The following GALNT18 variants were observed in gnomAD, a reference collection of about 807,000 sequenced individuals.
The protein encoded by GALNT18 is polypeptide N-acetylgalactosaminyltransferase 18.
GALNT18 carries 44 observed loss-of-function variants against 69.5 expected under a neutral mutation model. The ratio of observed to expected loss-of-function variants is 0.63; its 90% confidence interval spans 0.50 to 0.81. The LOEUF (loss-of-function observed/expected upper bound fraction) is 0.81. Ranked by LOEUF, GALNT18 falls within the 40% of genes least tolerant of loss-of-function variation. The pLI, the probability that GALNT18 is intolerant of heterozygous loss-of-function variation, is 0.00. For missense variants in GALNT18, 715 were observed against 810.0 expected, an observed-to-expected ratio of 0.88 and a Z score of 1.42; for synonymous variants, 364 against 318.2, an observed-to-expected ratio of 1.14 and a Z score of -1.53.
At chr11:11,319,139 T>C (rs1272578310) in intron 9 of GALNT18, among the ~76,000 whole-genome samples, 1 of 150,110 alleles carries the variant, frequency 6.7e-6, no homozygotes, top group African/African-American at 2.5e-5. Flanking sequence ...GTTCCTCAAA[T>C]GCACTCAGTA....
intron 8 of GALNT18, among the ~76,000 whole-genome samples, chr11:11,327,641 C>T (rs980108455): frequency 6.6e-6 from 1 of 152,214 alleles, no homozygotes; most frequent in African/African-American, 2.4e-5. Context: ...CTTGGCCAGC[C>T]CCTTGGTGGC....
At chr11:11,289,479 C>T (rs1365350427) in intron 10 of GALNT18, among the ~76,000 whole-genome samples, 6 of 152,256 alleles carry the variant, frequency 3.9e-5, no homozygotes, top group East Asian at 1.9e-4. Flanking sequence ...AAACAGGAAT[C>T]GTGTGGGGCT....
chr11:11,495,258 T>G (rs773881297), intron 1 of GALNT18, among the ~76,000 whole-genome samples: 1 of 152,156 alleles, frequency 6.6e-6, no homozygotes, highest in African/African-American at 2.4e-5. Flanking sequence ...GCATGGTGTA[T>G]ACAGGAATGT....
At chr11:11,473,148 C>T (rs1016300205) in intron 1 of GALNT18, among the ~76,000 whole-genome samples, 1 of 152,204 alleles carries the variant, frequency 6.6e-6, no homozygotes, top group Admixed American at 6.5e-5. Flanking sequence ...ATCCCTGGTA[C>T]ATACAGGCCC....
chr11:11,307,320 C>T (rs1239505958), intron 9 of GALNT18, among the ~76,000 whole-genome samples: 2 of 152,046 alleles, frequency 1.3e-5, no homozygotes, highest in Non-Finnish European at 2.9e-5. Context: ...TCATTTTATC[C>T]CCTCCTGATG....
At chr11:11,410,625 C>T (rs1854705421) in intron 3 of GALNT18, among the ~76,000 whole-genome samples, 1 of 152,196 alleles carries the variant, frequency 6.6e-6, no homozygotes. Flanking sequence ...CTCACCCCTG[C>T]AGTTTTCAAT....
rs1849744589 is a variant in GALNT18 at position 11,315,953 on chromosome 11, C to T, written c.1512+11133G>A. Among the ~76,000 whole-genome samples the T allele has an allele frequency of 6.6e-6, 1 of 151,994 alleles. No homozygotes were observed. Among genetic ancestry groups the T allele is most frequent in the Admixed American group, 6.6e-5 (1 of 15,262 alleles). ...GAGAGTGAGCCTCACAGGGCCAGTC[C>T]CCGCATCACTCTGTACTGACATGAA... is the stretch of plus-strand genomic sequence containing the variant. On this transcript the variant is annotated intron_variant, in intron 9 of 10. Transcript: ENST00000227756. This position sits in a 1 kb window ranked among gnomAD's most constrained non-coding sequence, Gnocchi z 5.6.
At chr11:11,304,081 A>G (rs150551356) in intron 9 of GALNT18, among the ~76,000 whole-genome samples, 1 of 152,308 alleles carries the variant, frequency 6.6e-6, no homozygotes, top group Non-Finnish European at 1.5e-5. Flanking sequence ...TCTCCCAGGA[A>G]TTTAAAACCT....
intron 1 of GALNT18, among the ~76,000 whole-genome samples, chr11:11,607,919 G>C (rs538583575): frequency 5.3e-5 from 8 of 152,324 alleles, no homozygotes; most frequent in Admixed American, 3.3e-4. Context: ...GCAATGCCAA[G>C]TTTCTACAAA....
intron 3 of GALNT18, among the ~76,000 whole-genome samples, chr11:11,391,301 C>T (rs146488902): frequency 3.4e-4 from 52 of 152,352 alleles, no homozygotes; most frequent in Middle Eastern, 6.8e-3. Flanking sequence ...ATTTGTATTG[C>T]CACTTAGCCC....
intron 1 of GALNT18, among the ~76,000 whole-genome samples, chr11:11,516,430 G>C (rs1857278063): frequency 6.6e-6 from 1 of 152,130 alleles, no homozygotes; most frequent in Non-Finnish European, 1.5e-5. Context: ...TTGGGAGTTC[G>C]AGACCAGCCT....
chr11:11,379,026 A>G, intron 4 of GALNT18, 55 bp downstream of exon 4: 1 of 1,447,168 alleles, frequency 6.9e-7, no homozygotes, highest in South Asian at 1.4e-5. Flanking sequence ...GCACTATTGG[A>G]GCTGAAGCCC....
At chr11:11,529,400 A>G (rs1265916042) in intron 1 of GALNT18, among the ~76,000 whole-genome samples, 2 of 152,156 alleles carry the variant, frequency 1.3e-5, no homozygotes, top group African/African-American at 4.8e-5. Flanking sequence ...GGGCTGGAAC[A>G]CTGGTCTCTT....
intron 7 of GALNT18, among the ~76,000 whole-genome samples, chr11:11,333,847 C>A (rs2035630): frequency 0.86 from 130,331 of 152,048 alleles, 56,093 homozygotes; most frequent in South Asian, 0.91. Flanking sequence ...CCTGCATACC[C>A]GCTGTTGAAT....
intron 1 of GALNT18, among the ~76,000 whole-genome samples, chr11:11,566,424 G>A (rs1858654635): frequency 6.6e-6 from 1 of 152,318 alleles, no homozygotes; most frequent in African/African-American, 2.4e-5. Context: ...AACTCTGACT[G>A]AGGATTGTAA....
At chr11:11,478,937 AT>A in intron 1 of GALNT18, among the ~76,000 whole-genome samples, 1 of 151,596 alleles carries the variant, frequency 6.6e-6, no homozygotes, top group East Asian at 2.0e-4. Context: ...CGGAGGTGGC[AT>A]CTCCCGCGGA....
chr11:11,466,161 T>C (rs1276756774), intron 1 of GALNT18, among the ~76,000 whole-genome samples: 1 of 152,222 alleles, frequency 6.6e-6, no homozygotes, highest in Non-Finnish European at 1.5e-5. Context: ...AATATTCTAT[T>C]AAGAAGGAAT....
Position 11,312,229 on chromosome 11 carries a change from G to A in GALNT18, c.1512+14857C>T, listed in dbSNP as rs182395093. On this transcript the variant is annotated intron_variant, in intron 9 of 10. Transcript: ENST00000227756. ...CTCCCAAAGTGCTGGGATTACAGTC[G>A]TGAGCCACCACGCCCGGCCCATGTA... 4.1e-3 allele frequency among the ~76,000 whole-genome samples: 625 copies of A among 152,264 alleles called. 4 individuals carry two copies. The highest frequency in any genetic ancestry group is 0.014 in the African/African-American group (591 of 41,538).
At chr11:11,464,658 T>C in intron 1 of GALNT18, among the ~76,000 whole-genome samples, 1 of 152,198 alleles carries the variant, frequency 6.6e-6, no homozygotes, top group South Asian at 2.1e-4. Flanking sequence ...ATTCATTTAT[T>C]TGATTAATAT....
Sources: gnomAD v4.1 joint callset for allele counts (sites outside exome capture counted in the v4.1 genomes callset) on GRCh38, gnomAD v4.1.1 for gene constraint, Gnocchi (gnomAD v3.1) non-coding constraint, MANE v1.5 for transcripts, NCBI Gene and HGNC (gene_info 2026-07-23, HGNC 2026-07-21) for gene names.